Variants in ALG14 observed in about 807,000 individuals in gnomAD.
The protein encoded by ALG14 is ALG14 UDP-N-acetylglucosaminyltransferase subunit.
ALG14 carries 17 observed loss-of-function variants against 22.8 expected under a neutral mutation model. That is an observed-to-expected ratio of 0.75 (90% CI 0.51 to 1.12). The LOEUF (loss-of-function observed/expected upper bound fraction) is 1.12, where lower values mean the gene tolerates loss of function less well. Ranked by LOEUF, ALG14 falls within the 50% of genes most tolerant of loss-of-function variation. The pLI, the probability that ALG14 is intolerant of heterozygous loss-of-function variation, is 0.00. For synonymous variants in ALG14, 89 were observed against 103.7 expected (o/e 0.86, Z 0.86); for missense variants, 288 against 271.8 (o/e 1.06, Z -0.42).
intron 3 of ALG14, among the ~76,000 whole-genome samples, chr1:95,023,422 C>T (rs1261945168): frequency 6.6e-6 from 1 of 152,214 alleles, no homozygotes; most frequent in African/African-American, 2.4e-5. Flanking sequence ...CCGCACCCAG[C>T]CATCAACTTT....
At chr1:95,041,749 C>A (rs1422808983) in intron 2 of ALG14, 1 of 152,074 alleles carries the variant, frequency 6.6e-6, no homozygotes, top group African/African-American at 2.4e-5. Context: ...GTCCACTGTG[C>A]GAAGTTAGCA....
intron 2 of ALG14, among the ~76,000 whole-genome samples, chr1:95,033,420 T>TATATACAC (rs1553229109): frequency 7.2e-6 from 1 of 139,628 alleles, no homozygotes; most frequent in African/African-American, 2.7e-5. Flanking sequence ...TATATATATA[T>TATATACAC]ACACACACAC....
intron 3 of ALG14, among the ~76,000 whole-genome samples, chr1:94,989,439 A>C (rs1672720073): frequency 1.3e-5 from 2 of 152,180 alleles, no homozygotes; most frequent in African/African-American, 4.8e-5. Flanking sequence ...CCTTTCTCAC[A>C]GCAGAAGTGA....
Position 95,066,316 on chromosome 1 carries a change from C to T in ALG14, c.137-1299G>A, listed in dbSNP as rs1331779075. ...TCGGCTCATTGCAACCTCCACCTCC[C>T]AGGTTCAGGCGACTCTCCTGCCTCA... On this transcript the variant is annotated intron_variant, in intron 1 of 3. Transcript: ENST00000370205. Among the ~76,000 whole-genome samples, 7 of 149,990 alleles carry T rather than the reference C, an allele frequency of 4.7e-5. No homozygotes were observed. In the East Asian group the frequency reaches 1.4e-3, roughly 30 times the overall value.
chr1:94,990,556 T>A (rs1183940478), intron 3 of ALG14, among the ~76,000 whole-genome samples: 1 of 152,180 alleles, frequency 6.6e-6, no homozygotes, highest in African/African-American at 2.4e-5. Context: ...CATTTTGGGG[T>A]CTACTTTTCC....
At chr1:95,059,397 CAAAAA>C (rs67569341) in intron 2 of ALG14, among the ~76,000 whole-genome samples, 3 of 78,588 alleles carry the variant, frequency 3.8e-5, no homozygotes, top group African/African-American at 1.7e-4. Context: ...GACTCTGTCT[CAAAAA>C]AAAAAAAAAA....
intron 2 of ALG14, among the ~76,000 whole-genome samples, chr1:95,028,566 C>T (rs61488063): frequency 0.047 from 7,111 of 152,174 alleles, 223 homozygotes; most frequent in African/African-American, 0.083. Flanking sequence ...ACCTGTAATG[C>T]GAGCACTCTG....
At chr1:95,054,301 TAGTG>T (rs1674856189) in intron 2 of ALG14, among the ~76,000 whole-genome samples, 1 of 152,156 alleles carries the variant, frequency 6.6e-6, no homozygotes, top group Non-Finnish European at 1.5e-5. Flanking sequence ...TGGTACAGTA[TAGTG>T]AGTGAGTTCT....
chr1:94,997,589 C>T (rs1271871481), intron 3 of ALG14, among the ~76,000 whole-genome samples: 1 of 152,142 alleles, frequency 6.6e-6, no homozygotes, highest in Non-Finnish European at 1.5e-5. Flanking sequence ...CCTGGCTCTA[C>T]CACTTCCTGC....
intron 3 of ALG14, among the ~76,000 whole-genome samples, chr1:95,018,379 T>TA (rs1346524938): frequency 6.6e-6 from 1 of 151,358 alleles, no homozygotes; most frequent in African/African-American, 2.4e-5. Context: ...CTACTGAAAA[T>TA]AAAAAAATTA....
intron 2 of ALG14, among the ~76,000 whole-genome samples, chr1:95,045,386 C>A (rs903459390): frequency 1.3e-5 from 2 of 152,000 alleles, no homozygotes; most frequent in Non-Finnish European, 2.9e-5. Context: ...TGGCTTTTGG[C>A]TCCAAGTATA....
At chr1:95,060,342 C>T (rs991081373) in intron 2 of ALG14, among the ~76,000 whole-genome samples, 5 of 150,922 alleles carry the variant, frequency 3.3e-5, no homozygotes, top group African/African-American at 4.8e-5. Context: ...CCCCAGTAGG[C>T]GACTGTTAGT....
intron 2 of ALG14, among the ~76,000 whole-genome samples, chr1:95,032,364 T>A (rs1380246976): frequency 1.3e-5 from 2 of 152,048 alleles, no homozygotes; most frequent in Non-Finnish European, 2.9e-5. Flanking sequence ...TTGAACTGAA[T>A]GGAATTCATG....
At chr1:95,010,368 T>C (rs1557951204) in intron 3 of ALG14, among the ~76,000 whole-genome samples, 1 of 152,232 alleles carries the variant, frequency 6.6e-6, no homozygotes, top group Non-Finnish European at 1.5e-5. Flanking sequence ...CAAATGCAGC[T>C]GAAGTTTGAC....
chr1:95,043,573 G>A (rs574088147), intron 2 of ALG14, among the ~76,000 whole-genome samples: 4 of 152,250 alleles, frequency 2.6e-5, no homozygotes, highest in South Asian at 2.1e-4. Context: ...GCAGGTCAGC[G>A]GCTAAATGAT....
intron 3 of ALG14, among the ~76,000 whole-genome samples, chr1:95,019,989 G>A (rs781426254): frequency 3.3e-5 from 5 of 152,070 alleles, no homozygotes; most frequent in African/African-American, 1.2e-4. Context: ...AGACCGAGGC[G>A]GGTGGATCAC....
At chr1:95,047,338 T>C (rs1674595607) in intron 2 of ALG14, among the ~76,000 whole-genome samples, 1 of 152,080 alleles carries the variant, frequency 6.6e-6, no homozygotes, top group South Asian at 2.1e-4. Flanking sequence ...ACTGTTTACT[T>C]TGTATATTTA....
At chr1:94,998,367 G>C (rs1672961560) in intron 3 of ALG14, among the ~76,000 whole-genome samples, 1 of 152,120 alleles carries the variant, frequency 6.6e-6, no homozygotes, top group Non-Finnish European at 1.5e-5. Flanking sequence ...TTGAAACAGA[G>C]AGCTGGGTCT....
intron 2 of ALG14, among the ~76,000 whole-genome samples, chr1:95,063,342 G>T (rs555721513): frequency 5.9e-5 from 9 of 152,032 alleles, no homozygotes; most frequent in African/African-American, 2.2e-4. Context: ...ATTGCTTTTG[G>T]CATTTTCATC....
Sources: allele counts gnomAD v4.1 joint callset (sites outside exome capture counted in the v4.1 genomes callset), GRCh38; gene constraint gnomAD v4.1.1; transcripts MANE v1.5; gene names NCBI Gene and HGNC (gene_info 2026-07-23, HGNC 2026-07-21).